The following BRINP1 variants were observed in gnomAD, a reference collection of about 807,000 sequenced individuals.
BRINP1 encodes BMP/retinoic acid inducible neural specific 1, also known as BMP/retinoic acid-inducible neural-specific protein 1.
BRINP1 carries 17 observed loss-of-function variants against 72.9 expected under a neutral mutation model. The observed-to-expected ratio is 0.23, with a 90% CI of 0.16 to 0.35. BRINP1 has a LOEUF of 0.35. Among genes scored for constraint, BRINP1 ranks in the 10% least tolerant of loss-of-function variants. The probability of loss-of-function intolerance (pLI) is 1.00; values close to 1 mark genes in which losing one functional copy is unlikely to be tolerated. For missense variants in BRINP1, 850 were observed against 1,001.6 expected (o/e 0.85, Z 2.04); for synonymous variants, 418 against 378.5 (o/e 1.10, Z -1.21).
chr9:119,251,001 G>A (rs1830381757), intron 2 of BRINP1, among the ~76,000 whole-genome samples: 1 of 152,176 alleles, frequency 6.6e-6, no homozygotes, highest in African/African-American at 2.4e-5. Context: ...GTAATTTAGT[G>A]GTGGTGTCTG....
At chr9:119,170,313 C>T (rs1439169501) in intron 7 of BRINP1, among the ~76,000 whole-genome samples, 1 of 151,834 alleles carries the variant, frequency 6.6e-6, no homozygotes, top group African/African-American at 2.4e-5. Context: ...AAAACCAAGG[C>T]TCGAGAACTA....
At chr9:119,297,200 A>C (rs1745537513) in intron 2 of BRINP1, among the ~76,000 whole-genome samples, 2 of 152,190 alleles carry the variant, frequency 1.3e-5, no homozygotes, top group South Asian at 4.1e-4. Flanking sequence ...AAAGAAATGG[A>C]TAGTATTTTA....
At chr9:119,367,208 T>C (rs1194174987) in intron 1 of BRINP1, among the ~76,000 whole-genome samples, 1 of 59,394 alleles carries the variant, frequency 1.7e-5, no homozygotes, top group Non-Finnish European at 3.4e-5. Context: ...TGTGTGTGTG[T>C]GTGTGTGTGA....
chr9:119,300,901 C>G (rs1161729100), intron 2 of BRINP1, among the ~76,000 whole-genome samples: 1 of 152,180 alleles, frequency 6.6e-6, no homozygotes, highest in Non-Finnish European at 1.5e-5. Context: ...TTCCATGGTA[C>G]CAGCCATCCC....
At chr9:119,295,373 GTATACTTGC>G (rs1476566833) in intron 2 of BRINP1, among the ~76,000 whole-genome samples, 6 of 152,016 alleles carry the variant, frequency 3.9e-5, no homozygotes, top group Admixed American at 1.3e-4. Context: ...ACATCACAGA[GTATACTTGC>G]ACCAACCTAG....
rs1477811070 is a variant in BRINP1 at position 119,168,152 on chromosome 9, G to A, written c.1218C>T (p.Phe406=). The A allele has an allele frequency of 9.4e-6, 15 of 1,589,882 alleles. No homozygotes were observed. In the East Asian group the frequency reaches 3.1e-4, roughly 33 times the overall value. ...YCNENGFWGT[F]LESQRSCVCH... ...ACACGCAGCTCCGCTGGCTCTCCAG[G>A]AAGGTTCCCCAAAACCCATTCTCAT... Residue 406 remains phenylalanine (F), a synonymous_variant, in exon 8 of 8, where the codon TTC becomes TTT. Transcript: ENST00000265922.
Position 119,355,461 on chromosome 9 carries a change from G to T in BRINP1, c.-51+13595C>A, listed in dbSNP as rs187308505. Among the ~76,000 whole-genome samples, 33 of 152,246 alleles carry T rather than the reference G, an allele frequency of 2.2e-4. 1 individual carries two copies. The highest frequency in any genetic ancestry group is 2.0e-3 in the Admixed American group (31 of 15,300). On this transcript the variant is annotated intron_variant, in intron 1 of 7. Transcript: ENST00000265922. ...ATGATACACCCGGCCGGGCACGGTG[G>T]CTCACGCCTGTAATCCCAGCACTTT... is the stretch of plus-strand genomic sequence containing the variant.
chr9:119,346,999 A>G (rs939532143), intron 1 of BRINP1, among the ~76,000 whole-genome samples: 3 of 152,188 alleles, frequency 2.0e-5, no homozygotes, highest in African/African-American at 7.2e-5. Flanking sequence ...ACTCCTTCAC[A>G]GATTCCTACC....
chr9:119,288,634 A>G (rs1277352002), intron 2 of BRINP1, among the ~76,000 whole-genome samples: 2 of 152,246 alleles, frequency 1.3e-5, no homozygotes, highest in East Asian at 3.9e-4. Context: ...TGATATTTTT[A>G]GCAAGAGGTG....
intron 2 of BRINP1, among the ~76,000 whole-genome samples, chr9:119,283,471 T>G (rs1454811248): frequency 5.3e-5 from 8 of 152,182 alleles, no homozygotes; most frequent in African/African-American, 1.7e-4. Context: ...AACTTTGCCC[T>G]AAGGAATTTT....
chr9:119,345,026 C>T (rs1831436577), intron 1 of BRINP1, among the ~76,000 whole-genome samples: 1 of 152,190 alleles, frequency 6.6e-6, no homozygotes, highest in African/African-American at 2.4e-5. Flanking sequence ...ATGCATGTAA[C>T]ATCTTGAATG....
chr9:119,333,453 A>AT (rs1831320026), intron 1 of BRINP1, among the ~76,000 whole-genome samples: 1 of 136,414 alleles, frequency 7.3e-6, no homozygotes, highest in African/African-American at 2.8e-5. Flanking sequence ...ACAGAGTGAG[A>AT]CCTTGTTTCA....
rs1830350770 is a variant in BRINP1, at chr9:119,248,998, T to G, written c.371A>C (p.Lys124Thr). The change falls in exon 3 of 8, where the codon AAG (lysine) becomes ACG (threonine). Residue 124 changes from lysine to threonine, a missense_variant. By Grantham distance (78) the Lys-to-Thr change is moderately conservative (BLOSUM62 -1). Coordinates refer to ENST00000265922, the MANE Select transcript of BRINP1 (RefSeq NM_014618.3). ...TGAGATGAGCAGGTGGGTGCCGTAC[T>G]TTTTGATGATGGTATCGATGAACTG... ...TQQFIDTIIK[K>T]YGTHLLISAT... 1 of 1,613,882 alleles carries G rather than the reference T, an allele frequency of 6.2e-7. No homozygotes were observed. The highest frequency in any genetic ancestry group is 8.5e-7 in the Non-Finnish European group (1 of 1,179,952).
chr9:119,245,169 G>A (rs1192946257), intron 3 of BRINP1, among the ~76,000 whole-genome samples: 1 of 151,102 alleles, frequency 6.6e-6, no homozygotes, highest in Non-Finnish European at 1.5e-5. Context: ...CAATACAAAC[G>A]CTCATATGCA....
intron 1 of BRINP1, among the ~76,000 whole-genome samples, chr9:119,357,725 T>C (rs1433613418): frequency 1.3e-5 from 2 of 152,168 alleles, no homozygotes; most frequent in Non-Finnish European, 2.9e-5. Context: ...TCTCCTGGAA[T>C]ATGAAAGATG....
At chr9:119,241,555 T>C (rs1830249110) in intron 4 of BRINP1, among the ~76,000 whole-genome samples, 1 of 152,224 alleles carries the variant, frequency 6.6e-6, no homozygotes. Context: ...ATTCTCTAAC[T>C]GTATAACCCT....
In BRINP1 at chr9:119,368,962, A is replaced by G; in HGVS notation, c.-51+94T>C. On this transcript the variant is annotated intron_variant, in intron 1 of 7. Transcript: ENST00000265922. The surrounding 1 kb of genome is among the most constrained non-coding windows in gnomAD (Gnocchi z 4.7). ...AGCGGACAAGGGTGCCGGTAGGGGG[A>G]GGGGCAGAGGAGCGCGGGGACGCCC... The G allele has an allele frequency of 5.2e-6, 2 of 382,596 alleles. No individual in the cohort carries two copies. The highest frequency in any genetic ancestry group is 3.7e-5 in the East Asian group (1 of 26,948). The allele number at this position is 382,596 out of a possible 1,614,324, so 23.7% of individuals were successfully genotyped here.
At chr9:119,366,767 G>C in intron 1 of BRINP1, among the ~76,000 whole-genome samples, 1 of 151,982 alleles carries the variant, frequency 6.6e-6, no homozygotes, top group Non-Finnish European at 1.5e-5. Context: ...GGGAGGAGTG[G>C]AAAGGGTATT....
At chr9:119,265,523 G>C (rs765652519) in intron 2 of BRINP1, among the ~76,000 whole-genome samples, 1 of 152,084 alleles carries the variant, frequency 6.6e-6, no homozygotes, top group Non-Finnish European at 1.5e-5. Flanking sequence ...CTTGAACCCA[G>C]GAGGCAGAGG....
Sources: gnomAD v4.1 joint callset for allele counts (sites outside exome capture counted in the v4.1 genomes callset) on GRCh38, gnomAD v4.1.1 for gene constraint, Gnocchi (gnomAD v3.1) non-coding constraint, MANE v1.5 for transcripts, NCBI Gene and HGNC (gene_info 2026-07-23, HGNC 2026-07-21) for gene names.